CNIH3: variants seen among roughly 807,000 people sequenced by gnomAD.
The protein encoded by CNIH3 is protein cornichon homolog 3.
In CNIH3, 14 loss-of-function variants were observed where a neutral mutation model predicts 24.1. That is an observed-to-expected ratio of 0.58 (90% CI 0.38 to 0.91). CNIH3 has a LOEUF of 0.91. Ranked by LOEUF, CNIH3 falls within the 40% of genes least tolerant of loss-of-function variation. The pLI, the probability that CNIH3 is intolerant of heterozygous loss-of-function variation, is 0.00. For missense variants in CNIH3, 178 were observed against 196.8 expected, an observed-to-expected ratio of 0.90 and a Z score of 0.57; for synonymous variants, 68 against 73.8, an observed-to-expected ratio of 0.92 and a Z score of 0.40.
At chr1:224,645,908 C>T (rs1684583004) in intron 1 of CNIH3, among the ~76,000 whole-genome samples, 2 of 152,110 alleles carry the variant, frequency 1.3e-5, no homozygotes, top group African/African-American at 4.8e-5. Context: ...GAAGCATGGC[C>T]CATGTTTAAT....
chr1:224,517,818 T>G (rs1314433965), intron 1 of CNIH3, among the ~76,000 whole-genome samples: 1 of 152,166 alleles, frequency 6.6e-6, no homozygotes, highest in Non-Finnish European at 1.5e-5. Context: ...ATTCTTGTCT[T>G]TTTTATTTCT....
intron 1 of CNIH3, among the ~76,000 whole-genome samples, chr1:224,445,593 A>AAAAG (rs1486797265): frequency 6.7e-6 from 1 of 149,152 alleles, no homozygotes; most frequent in Non-Finnish European, 1.5e-5. Context: ...AAAAAAAAAA[A>AAAAG]AAAGAAAGAT....
chr1:224,597,296 C>G (rs932876616), intron 3 of CNIH3, among the ~76,000 whole-genome samples: 2 of 152,124 alleles, frequency 1.3e-5, no homozygotes, highest in African/African-American at 4.8e-5. Context: ...TTTCTGTCTT[C>G]GAGCTGGCCA....
chr1:224,625,308 G>A (rs1030393097), intron 1 of CNIH3, among the ~76,000 whole-genome samples: 3 of 152,172 alleles, frequency 2.0e-5, no homozygotes, highest in African/African-American at 7.2e-5. Context: ...CCAGCACTTT[G>A]GGAGGCCTAG....
intron 1 of CNIH3, among the ~76,000 whole-genome samples, chr1:224,639,653 T>C (rs1173013132): frequency 6.6e-6 from 1 of 152,164 alleles, no homozygotes; most frequent in African/African-American, 2.4e-5. Flanking sequence ...GAAAATGCCA[T>C]CACTGGCAGG....
chr1:224,657,790 TG>T (rs1171731063), intron 1 of CNIH3, among the ~76,000 whole-genome samples: 3 of 152,184 alleles, frequency 2.0e-5, no homozygotes, highest in Non-Finnish European at 4.4e-5. Flanking sequence ...TGACTGTAGC[TG>T]ATTATAAACT....
intron 1 of CNIH3, among the ~76,000 whole-genome samples, chr1:224,450,325 G>A (rs1052696838): frequency 2.6e-5 from 4 of 152,256 alleles, no homozygotes; most frequent in South Asian, 2.1e-4. Context: ...GTGGTGTGAC[G>A]GTATGATGGT....
At chr1:224,519,723 A>G (rs981536187) in intron 1 of CNIH3, among the ~76,000 whole-genome samples, 2 of 150,630 alleles carry the variant, frequency 1.3e-5, no homozygotes, top group African/African-American at 4.9e-5. Context: ...AATATATAAT[A>G]TGTGACATGT....
intron 2 of CNIH3, among the ~76,000 whole-genome samples, chr1:224,535,486 T>C (rs948825543): frequency 6.6e-6 from 1 of 152,230 alleles, no homozygotes; most frequent in African/African-American, 2.4e-5. Context: ...ACTGTCCCTT[T>C]CATCAAGGTT....
intron 1 of CNIH3, among the ~76,000 whole-genome samples, chr1:224,441,874 A>G (rs1383814575): frequency 6.6e-6 from 1 of 152,202 alleles, no homozygotes; most frequent in Non-Finnish European, 1.5e-5. Flanking sequence ...ATTTTAAAAA[A>G]TTTATTGAAT....
chr1:224,689,255 A>G (rs1469789618), intron 3 of CNIH3, among the ~76,000 whole-genome samples: 2 of 152,222 alleles, frequency 1.3e-5, no homozygotes, highest in Non-Finnish European at 2.9e-5. Context: ...GACCGTGCTC[A>G]TAGAGGTGTG....
intron 1 of CNIH3, among the ~76,000 whole-genome samples, chr1:224,675,776 C>T (rs1038935651): frequency 2.6e-5 from 4 of 152,136 alleles, no homozygotes; most frequent in Admixed American, 6.5e-5. Context: ...AATGATAACT[C>T]GACACACCTA....
chr1:224,497,035 T>C (rs2124860772), intron 1 of CNIH3, among the ~76,000 whole-genome samples: 1 of 152,354 alleles, frequency 6.6e-6, no homozygotes, highest in South Asian at 2.1e-4. Flanking sequence ...TGGAATATTA[T>C]GCAGCCATAA....
intron 2 of CNIH3, among the ~76,000 whole-genome samples, chr1:224,529,719 G>A (rs1162241797): frequency 1.3e-5 from 2 of 152,200 alleles, no homozygotes; most frequent in African/African-American, 4.8e-5. Flanking sequence ...GTGCTCATGT[G>A]AGTGGGAACT....
At position 224,689,499 on chromosome 1, in the gene CNIH3, G is replaced by A. The variant is rs572281083; in HGVS notation, c.198+4656G>A. 1.2e-4 allele frequency among the ~76,000 whole-genome samples: 18 copies of A among 152,268 alleles called. No individual in the cohort carries two copies. The South Asian group carries it at 3.7e-3, about 32-fold the overall frequency. ...TTTGAGCAGCATCACACGGTGGGCC[G>A]GCCTGGGCCTCCTCCCTCCCGTCTC... On this transcript the variant is annotated intron_variant, in intron 3 of 5. Coordinates refer to ENST00000272133, the MANE Select transcript of CNIH3 (RefSeq NM_152495.2).
chr1:224,720,155 A>G (rs1022193305), intron 3 of CNIH3, among the ~76,000 whole-genome samples: 2 of 152,062 alleles, frequency 1.3e-5, no homozygotes, highest in East Asian at 1.9e-4. Flanking sequence ...TTCTCATTCA[A>G]TTCACCCTCT....
downstream of CNIH3, among the ~76,000 whole-genome samples, chr1:224,538,554 T>C (rs997588492): frequency 1.3e-5 from 2 of 152,114 alleles, no homozygotes; most frequent in African/African-American, 4.8e-5. Flanking sequence ...TGCCTCCCAG[T>C]ACCCCATCCT....
intron 1 of CNIH3, among the ~76,000 whole-genome samples, chr1:224,662,729 A>G (rs186254043): frequency 1.6e-4 from 24 of 152,338 alleles, no homozygotes; most frequent in Admixed American, 1.5e-3. Context: ...AAGACAACAC[A>G]TGATATCCAG....
At chr1:224,517,193 G>T (rs1374590267) in intron 1 of CNIH3, among the ~76,000 whole-genome samples, 1 of 152,124 alleles carries the variant, frequency 6.6e-6, no homozygotes, top group Non-Finnish European at 1.5e-5. Context: ...GCGGTGGTGG[G>T]ATGACCTCCA....
Sources: allele counts gnomAD v4.1 joint callset (sites outside exome capture counted in the v4.1 genomes callset), GRCh38; gene constraint gnomAD v4.1.1; transcripts MANE v1.5; gene names NCBI Gene and HGNC (gene_info 2026-07-23, HGNC 2026-07-21).